Variants in NALF1 observed in about 807,000 individuals in gnomAD.
NALF1 encodes family with sequence similarity 155 member A.
In NALF1, 3 loss-of-function variants were observed where a neutral mutation model predicts 48.4. The ratio of observed to expected loss-of-function variants is 0.06; its 90% CI spans 0.03 to 0.16. The LOEUF (loss-of-function observed/expected upper bound fraction) is 0.16. Ranked by LOEUF, NALF1 falls within the 10% of genes least tolerant of loss-of-function variation. The pLI, the probability that NALF1 is intolerant of heterozygous loss-of-function variation, is 1.00. For missense variants in NALF1, 526 were observed against 571.5 expected (o/e 0.92, Z 0.81); for synonymous variants, 262 against 245.7 (o/e 1.07, Z -0.62).
intron 1 of NALF1, among the ~76,000 whole-genome samples, chr13:107,587,009 A>G (rs184662649): frequency 5.3e-4 from 80 of 152,172 alleles, no homozygotes; most frequent in African/African-American, 1.8e-3. Context: ...AACCAAAAGT[A>G]TTACATTGCC....
chr13:107,282,581 G>A (rs1419986322), intron 1 of NALF1, among the ~76,000 whole-genome samples: 3 of 152,194 alleles, frequency 2.0e-5, no homozygotes, highest in African/African-American at 7.2e-5. Context: ...ATGACAGAGT[G>A]CGACTTCTCA....
chr13:107,494,305 T>C (rs1432917399), intron 1 of NALF1, among the ~76,000 whole-genome samples: 1 of 152,210 alleles, frequency 6.6e-6, no homozygotes, highest in Admixed American at 6.5e-5. Flanking sequence ...GAAGGGTTAG[T>C]TGTGTAATTA....
rs1878599587 is a variant in NALF1 at position 107,163,517 on chromosome 13, G to A, written c.*6980C>T. On this transcript the variant is annotated 3_prime_UTR_variant, in exon 3 of 3. Coordinates refer to ENST00000375915, the MANE Select transcript of NALF1 (RefSeq NM_001080396.3). The stretch of plus-strand genomic sequence containing the variant: ...AATAAGGCGTAAACAAACTTTAGCA[G>A]TGGCCTCTATATCTTTTTAATATTT... 6.6e-6 allele frequency: 1 copy of A among 152,186 alleles called. No individual in the cohort carries two copies. Among genetic ancestry groups the A allele is most frequent in the Admixed American group, 6.5e-5 (1 of 15,280 alleles). The allele number at this position is 152,186 out of a possible 1,614,324, so 9.4% of individuals were successfully genotyped here.
chr13:107,854,876 A>G (rs1338028263), intron 1 of NALF1, among the ~76,000 whole-genome samples: 3 of 151,334 alleles, frequency 2.0e-5, no homozygotes, highest in Non-Finnish European at 2.9e-5. Context: ...CTCAAAAAAA[A>G]AAAAAAAGAA....
At chr13:107,851,805 C>CATTTTTTTTTTTTTTTTTTTTTTTTTTTT (rs1555329721) in intron 1 of NALF1, among the ~76,000 whole-genome samples, 4 of 104,734 alleles carry the variant, frequency 3.8e-5, no homozygotes, top group East Asian at 5.7e-4. Context: ...CAGGCCCTTT[C>CATTTTTTTTTTTTTTTTTTTTTTTTTTTT]TTTTTTTTTT....
chr13:107,396,370 A>G (rs1237091711), intron 1 of NALF1, among the ~76,000 whole-genome samples: 2 of 152,172 alleles, frequency 1.3e-5, no homozygotes, highest in African/African-American at 4.8e-5. Context: ...CGCCACATCC[A>G]GTTCTGTAGA....
At chr13:107,310,301 T>C in intron 1 of NALF1, among the ~76,000 whole-genome samples, 1 of 151,840 alleles carries the variant, frequency 6.6e-6, no homozygotes, top group East Asian at 1.9e-4. Flanking sequence ...TCCTAGCTGC[T>C]TGGGAGGCTG....
chr13:107,809,803 C>G (rs769978621), intron 1 of NALF1, among the ~76,000 whole-genome samples: 1 of 152,134 alleles, frequency 6.6e-6, no homozygotes, highest in Non-Finnish European at 1.5e-5. Flanking sequence ...AATCCATACT[C>G]ATGGAAACGT....
chr13:107,541,734 G>GA (rs1877005144), intron 1 of NALF1, among the ~76,000 whole-genome samples: 1 of 151,996 alleles, frequency 6.6e-6, no homozygotes. Context: ...ATACAGAAAA[G>GA]AAAAAATATT....
At chr13:107,471,629 CT>C (rs1885102643) in intron 1 of NALF1, among the ~76,000 whole-genome samples, 1 of 152,134 alleles carries the variant, frequency 6.6e-6, no homozygotes. Flanking sequence ...CTTATTTTGA[CT>C]TTTTGTATCC....
chr13:107,403,116 T>C (rs1262601192), intron 1 of NALF1, among the ~76,000 whole-genome samples: 1 of 145,678 alleles, frequency 6.9e-6, no homozygotes, highest in African/African-American at 2.5e-5. Flanking sequence ...GCTTTTTGGC[T>C]CACAAAGGAC....
chr13:107,206,007 T>A (rs1022364380), intron 2 of NALF1, among the ~76,000 whole-genome samples: 4 of 152,052 alleles, frequency 2.6e-5, no homozygotes, highest in Non-Finnish European at 5.9e-5. Context: ...CCCCTCACTT[T>A]AAAGATGAAG....
At chr13:107,416,177 T>TTA (rs1276245131) in intron 1 of NALF1, among the ~76,000 whole-genome samples, 3 of 149,326 alleles carry the variant, frequency 2.0e-5, no homozygotes, top group Non-Finnish European at 3.0e-5. Context: ...CGGCTAAATT[T>TTA]TTTTTTTTTT....
Position 107,554,190 on chromosome 13 carries a change from T to C in NALF1, c.915+311492A>G, listed in dbSNP as rs115478811. ...CTGAGCCCGGAGCCGAACTCGAGGC[T>C]GTGCCACAAGATGCAGCTGATGGAG... is the stretch of plus-strand genomic sequence containing the variant. On this transcript the variant is annotated intron_variant, in intron 1 of 2. Transcript: ENST00000375915. 9.7e-3 allele frequency among the ~76,000 whole-genome samples: 1,480 copies of C among 152,306 alleles called. 24 individuals carry two copies. Among genetic ancestry groups the C allele is most frequent in the African/African-American group, 0.034 (1,406 of 41,566 alleles).
intron 1 of NALF1, among the ~76,000 whole-genome samples, chr13:107,364,056 T>C (rs778827950): frequency 1.3e-5 from 2 of 152,228 alleles, no homozygotes; most frequent in Non-Finnish European, 2.9e-5. Context: ...GTACTTATGT[T>C]TTTAGTACCA....
At chr13:107,837,096 G>A (rs1377682067) in intron 1 of NALF1, among the ~76,000 whole-genome samples, 2 of 152,034 alleles carry the variant, frequency 1.3e-5, no homozygotes, top group Admixed American at 6.6e-5. Context: ...ATGTTCATAC[G>A]GGCATGCTTT....
chr13:107,453,351 C>T (rs749670077), intron 1 of NALF1, among the ~76,000 whole-genome samples: 9 of 152,202 alleles, frequency 5.9e-5, no homozygotes, highest in Non-Finnish European at 8.8e-5. Context: ...GGTTCCCAAA[C>T]CTCAATTATT....
intron 1 of NALF1, among the ~76,000 whole-genome samples, chr13:107,748,874 T>C (rs999668372): frequency 1.1e-4 from 17 of 152,114 alleles, no homozygotes; most frequent in Non-Finnish European, 2.1e-4. Flanking sequence ...AAGCTAAAGC[T>C]GGAAAAGGCC....
chr13:107,794,333 C>T (rs1429859752), intron 1 of NALF1, among the ~76,000 whole-genome samples: 1 of 152,054 alleles, frequency 6.6e-6, no homozygotes, highest in Non-Finnish European at 1.5e-5. Flanking sequence ...TTTGACTTGT[C>T]CCTCTTGAAT....
Sources: gnomAD v4.1 joint callset for allele counts (sites outside exome capture counted in the v4.1 genomes callset) on GRCh38, gnomAD v4.1.1 for gene constraint, MANE v1.5 for transcripts, NCBI Gene and HGNC (gene_info 2026-07-23, HGNC 2026-07-21) for gene names.